The following CTNNA3 variants were observed in gnomAD, a reference collection of about 807,000 sequenced individuals.
CTNNA3 encodes the protein catenin alpha-3.
Under a neutral mutation model 95.7 loss-of-function variants are expected in CTNNA3, and 76 were observed. That is an observed-to-expected ratio of 0.79 (90% CI 0.66 to 0.96). The LOEUF (loss-of-function observed/expected upper bound fraction) is 0.96, where lower values mean the gene tolerates loss of function less well. Ranked by LOEUF, CTNNA3 falls within the 40% of genes least tolerant of loss-of-function variation. CTNNA3 has a pLI of 0.00. For synonymous variants in CTNNA3, 431 were observed against 374.4 expected (o/e 1.15, Z -1.74); for missense variants, 1,191 against 1,089.8 (o/e 1.09, Z -1.31).
chr10:66,608,043 G>GA (rs1299455126), intron 10 of CTNNA3, among the ~76,000 whole-genome samples: 2 of 152,032 alleles, frequency 1.3e-5, no homozygotes, highest in Non-Finnish European at 2.9e-5. Flanking sequence ...CCTATATCTA[G>GA]AAAATCCCAC....
At chr10:67,380,619 A>C (rs1843905822) in intron 5 of CTNNA3, among the ~76,000 whole-genome samples, 1 of 152,214 alleles carries the variant, frequency 6.6e-6, no homozygotes, top group Non-Finnish European at 1.5e-5. Flanking sequence ...TGTCTAAATG[A>C]ATGGTACATA....
At chr10:66,868,784 C>T (rs1844286825) in intron 7 of CTNNA3, among the ~76,000 whole-genome samples, 1 of 151,526 alleles carries the variant, frequency 6.6e-6, no homozygotes, top group African/African-American at 2.4e-5. Flanking sequence ...AAAGTGCCTA[C>T]CTTCAAAAAA....
At chr10:66,252,142 A>G (rs1911475) in intron 13 of CTNNA3, among the ~76,000 whole-genome samples, 121,085 of 152,104 alleles carry the variant, frequency 0.8, 48,867 homozygotes, top group South Asian at 0.93. Flanking sequence ...ACAATGATAT[A>G]TATATTATTT....
intron 11 of CTNNA3, among the ~76,000 whole-genome samples, chr10:66,435,233 C>G (rs1212616764): frequency 6.6e-6 from 1 of 152,076 alleles, no homozygotes; most frequent in Non-Finnish European, 1.5e-5. Flanking sequence ...ACCAGCTCTT[C>G]TTTGTACCTC....
chr10:66,400,133 T>TA (rs1298063741), intron 11 of CTNNA3, among the ~76,000 whole-genome samples: 1 of 151,590 alleles, frequency 6.6e-6, no homozygotes, highest in Non-Finnish European at 1.5e-5. Flanking sequence ...AAGAAGCTGA[T>TA]AAAAAATGAA....
intron 11 of CTNNA3, among the ~76,000 whole-genome samples, chr10:66,415,119 T>C (rs2394209): frequency 0.35 from 52,416 of 151,860 alleles, 9,771 homozygotes; most frequent in African/African-American, 0.48. Flanking sequence ...CATTCCACAA[T>C]GACTTGGGGA....
chr10:66,944,835 G>C (rs1480891663), intron 7 of CTNNA3, among the ~76,000 whole-genome samples: 1 of 152,172 alleles, frequency 6.6e-6, no homozygotes, highest in East Asian at 1.9e-4. Flanking sequence ...ATGTCCATCA[G>C]AGCTCTTGGG....
At chr10:67,332,522 T>G (rs1841833138) in intron 5 of CTNNA3, among the ~76,000 whole-genome samples, 1 of 152,178 alleles carries the variant, frequency 6.6e-6, no homozygotes, top group Admixed American at 6.5e-5. Context: ...CATTTTTAAA[T>G]AAGCAGGAGG....
At chr10:67,280,947 T>C (rs1839375844) in intron 5 of CTNNA3, among the ~76,000 whole-genome samples, 1 of 152,178 alleles carries the variant, frequency 6.6e-6, no homozygotes, top group African/African-American at 2.4e-5. Context: ...AATCTGTCTG[T>C]CTATTGTCAG....
chr10:67,256,783 A>G (rs1327889546), intron 5 of CTNNA3, among the ~76,000 whole-genome samples: 1 of 152,158 alleles, frequency 6.6e-6, no homozygotes, highest in Non-Finnish European at 1.5e-5. Context: ...TCAAAAAGGG[A>G]GGTAGCACAG....
chr10:66,282,673 C>T (rs1225948949), intron 12 of CTNNA3, among the ~76,000 whole-genome samples: 5 of 150,930 alleles, frequency 3.3e-5, no homozygotes, highest in African/African-American at 1.2e-4. Context: ...TGCTCATTCT[C>T]AGGTTCATTT....
intron 11 of CTNNA3, among the ~76,000 whole-genome samples, chr10:66,428,761 G>A (rs924755581): frequency 6.6e-5 from 10 of 151,998 alleles, no homozygotes; most frequent in Non-Finnish European, 2.9e-5. Context: ...GCAGTGTGTA[G>A]AGGGAAATTT....
intron 5 of CTNNA3, among the ~76,000 whole-genome samples, chr10:67,507,078 C>T (rs940094684): frequency 6.6e-6 from 1 of 152,030 alleles, no homozygotes; most frequent in African/African-American, 2.4e-5. Context: ...GAAGTGATAC[C>T]ACAGAAATAC....
intron 15 of CTNNA3, among the ~76,000 whole-genome samples, chr10:66,017,457 A>G (rs1392047440): frequency 6.6e-6 from 1 of 152,152 alleles, no homozygotes; most frequent in Non-Finnish European, 1.5e-5. Context: ...AAAGCTCTCC[A>G]TGAATTCTTT....
At chr10:66,631,484 T>C (rs1300802705) in intron 9 of CTNNA3, among the ~76,000 whole-genome samples, 1 of 152,174 alleles carries the variant, frequency 6.6e-6, no homozygotes, top group East Asian at 1.9e-4. Flanking sequence ...AGAGATCTAA[T>C]ACTGAAATTC....
intron 14 of CTNNA3, among the ~76,000 whole-genome samples, chr10:66,084,199 G>A (rs115318862): frequency 1.4e-5 from 2 of 138,730 alleles, no homozygotes; most frequent in East Asian, 4.6e-4. Flanking sequence ...AGAAATGATA[G>A]TGAGTTTGCA....
chr10:66,257,219 T>A (rs558090186), intron 13 of CTNNA3, among the ~76,000 whole-genome samples: 3 of 152,308 alleles, frequency 2.0e-5, no homozygotes, highest in African/African-American at 7.2e-5. Flanking sequence ...CTAGAGTAAA[T>A]CTGATTGTGG....
At chr10:66,907,651 G>T (rs180784973) in intron 7 of CTNNA3, among the ~76,000 whole-genome samples, 1 of 152,204 alleles carries the variant, frequency 6.6e-6, no homozygotes, top group Admixed American at 6.5e-5. Context: ...TTTGCGCAAT[G>T]ATTTAAGTTT....
intron 1 of CTNNA3, among the ~76,000 whole-genome samples, chr10:67,682,626 A>G (rs1431508190): frequency 6.6e-6 from 1 of 152,198 alleles, no homozygotes; most frequent in African/African-American, 2.4e-5. Flanking sequence ...TACATCTCAA[A>G]TTATAAATTA....
Sources: gnomAD v4.1 joint callset for allele counts (sites outside exome capture counted in the v4.1 genomes callset) on GRCh38, gnomAD v4.1.1 for gene constraint, MANE v1.5 for transcripts, NCBI Gene and HGNC (gene_info 2026-07-23, HGNC 2026-07-21) for gene names.